The following TRIM2 variants were observed in gnomAD, a reference collection of about 807,000 sequenced individuals.
TRIM2 encodes the protein tripartite motif-containing protein 2.
TRIM2 carries 20 observed loss-of-function variants against 75.2 expected under a neutral mutation model. That is an observed-to-expected ratio of 0.27 (90% CI 0.19 to 0.39). TRIM2 has a LOEUF of 0.39. Among genes scored for constraint, TRIM2 ranks in the 10% least tolerant of loss-of-function variants. The pLI is 1.00. For synonymous variants in TRIM2, 373 were observed against 388.3 expected, an observed-to-expected ratio of 0.96 and a Z score of 0.46; for missense variants, 660 against 990.8, an observed-to-expected ratio of 0.67 and a Z score of 4.48.
At chr4:153,225,086 C>T (rs6852033) in intron 1 of TRIM2, among the ~76,000 whole-genome samples, 8,849 of 152,228 alleles carry the variant, frequency 0.058, 756 homozygotes, top group African/African-American at 0.19. Context: ...GATGATAACT[C>T]AACGGGGTAA....
chr4:153,301,314 A>G (rs1299491800), intron 6 of TRIM2, among the ~76,000 whole-genome samples: 1 of 152,110 alleles, frequency 6.6e-6, no homozygotes, highest in Non-Finnish European at 1.5e-5. Flanking sequence ...ATAGGTATGC[A>G]CACCACACCC....
At chr4:153,273,442 ATTTTTT>A (rs11459214) in intron 2 of TRIM2, among the ~76,000 whole-genome samples, 53 of 77,648 alleles carry the variant, frequency 6.8e-4, no homozygotes, top group African/African-American at 3.4e-3. Flanking sequence ...CGCCCGGCTA[ATTTTTT>A]TTTTTTTTTT....
At chr4:153,211,802 A>G (rs1229921936) in intron 1 of TRIM2, among the ~76,000 whole-genome samples, 1 of 151,960 alleles carries the variant, frequency 6.6e-6, no homozygotes, top group Non-Finnish European at 1.5e-5. Context: ...AAATTCTTAT[A>G]TGACAATTTG....
At chr4:153,159,481 T>C (rs967252360) in intron 1 of TRIM2, among the ~76,000 whole-genome samples, 4 of 151,910 alleles carry the variant, frequency 2.6e-5, no homozygotes, top group African/African-American at 9.7e-5. Flanking sequence ...TTTTAAATTA[T>C]TTTTTGAAGA....
At chr4:153,327,543 A>G (rs934273256) in intron 10 of TRIM2, among the ~76,000 whole-genome samples, 1 of 152,268 alleles carries the variant, frequency 6.6e-6, no homozygotes, top group African/African-American at 2.4e-5. Context: ...GCATCTAGGC[A>G]TCATGACAAT....
chr4:153,318,617 T>C (rs1579679042), intron 8 of TRIM2, among the ~76,000 whole-genome samples: 1 of 152,358 alleles, frequency 6.6e-6, no homozygotes, highest in East Asian at 1.9e-4. Flanking sequence ...ATATCTTGAA[T>C]ATCTTGAAAA....
intron 1 of TRIM2, among the ~76,000 whole-genome samples, chr4:153,205,590 T>A (rs532808281): frequency 1.2e-4 from 18 of 152,168 alleles, no homozygotes; most frequent in Non-Finnish European, 1.6e-4. Flanking sequence ...GTCAGTGAAC[T>A]TGCGGTTTGT....
chr4:153,202,294 A>G (rs1190468638), upstream of TRIM2, among the ~76,000 whole-genome samples: 1 of 152,256 alleles, frequency 6.6e-6, no homozygotes, highest in African/African-American at 2.4e-5. Context: ...AACTATTTCA[A>G]ATGTAATGAC....
intron 1 of TRIM2, among the ~76,000 whole-genome samples, chr4:153,254,180 T>C (rs1751517576): frequency 6.6e-6 from 1 of 152,144 alleles, no homozygotes; most frequent in South Asian, 2.1e-4. Flanking sequence ...TGGGATAAAT[T>C]TTCTTGAGCA....
At chr4:153,322,560 G>A in intron 8 of TRIM2, 88 bp from the exon 9 acceptor site, 6 of 1,442,948 alleles carry the variant, frequency 4.2e-6, no homozygotes, top group Non-Finnish European at 5.6e-6. Context: ...GGTAAATGTT[G>A]ACCAAAACAG....
intron 1 of TRIM2, among the ~76,000 whole-genome samples, chr4:153,222,006 A>AGAAGGAAGGAAAGAGCAAG (rs1560836130): frequency 4.4e-4 from 19 of 42,814 alleles, no homozygotes; most frequent in South Asian, 2.8e-3. Context: ...AAGGAAGGAA[A>AGAAGGAAGGAAAGAGCAAG]GAAGGAAGGA....
chr4:153,216,606 T>A (rs960801087), intron 1 of TRIM2, among the ~76,000 whole-genome samples: 1 of 152,216 alleles, frequency 6.6e-6, no homozygotes, highest in African/African-American at 2.4e-5. Context: ...AATGTCCAAG[T>A]CCATTTGTGC....
At position 153,317,741 on chromosome 4, in the gene TRIM2, T is replaced by C. The variant is rs181507664; in HGVS notation, c.1782+1742T>C. On this transcript the variant is annotated intron_variant, in intron 8 of 11. Coordinates refer to ENST00000338700, the MANE Select transcript of TRIM2 (RefSeq NM_015271.5). ...ACTTTGGGAAGCTGAAGCAGGAGGA[T>C]TGCTTGAGCCCAGGAGTTCAAGACC... Among the ~76,000 whole-genome samples the C allele has an allele frequency of 3.0e-3, 457 of 152,060 alleles. 1 individual carries two copies. Among genetic ancestry groups the C allele is most frequent in the African/African-American group, 0.01 (429 of 41,468 alleles).
At chr4:153,310,555 A>G (rs1766050605) in intron 6 of TRIM2, among the ~76,000 whole-genome samples, 1 of 152,200 alleles carries the variant, frequency 6.6e-6, no homozygotes, top group Admixed American at 6.5e-5. Flanking sequence ...GTTGGCATCA[A>G]TTGTCTTCCC....
intron 1 of TRIM2, among the ~76,000 whole-genome samples, chr4:153,221,959 AGAGGGAGGAAGG>A (rs1740413535): frequency 1.6e-5 from 1 of 62,552 alleles, no homozygotes; most frequent in East Asian, 9.4e-4. Flanking sequence ...AAGGAAGGAA[AGAGGGAGGAAGG>A]GAGGAAGGAA....
At chr4:153,240,405 T>G (rs977152527) in intron 1 of TRIM2, among the ~76,000 whole-genome samples, 3 of 152,198 alleles carry the variant, frequency 2.0e-5, no homozygotes, top group African/African-American at 7.2e-5. Context: ...AGAGGTTTTG[T>G]ATCACAGTTT....
chr4:153,213,520 A>G (rs1737644633), intron 1 of TRIM2, among the ~76,000 whole-genome samples: 1 of 151,972 alleles, frequency 6.6e-6, no homozygotes, highest in African/African-American at 2.4e-5. Flanking sequence ...TCCCACTATT[A>G]TTTTTTACTT....
chr4:153,268,998 C>G (rs1460086309), intron 1 of TRIM2, among the ~76,000 whole-genome samples: 1 of 152,086 alleles, frequency 6.6e-6, no homozygotes, highest in Non-Finnish European at 1.5e-5. Context: ...CACTCTGAAC[C>G]ATATACAAAA....
At chr4:153,200,088 C>T (rs1458511406), upstream of TRIM2, among the ~76,000 whole-genome samples, 1 of 151,918 alleles carries the variant, frequency 6.6e-6, no homozygotes, top group African/African-American at 2.4e-5. Context: ...ATTACAGGCA[C>T]CGCCACCACG....
Sources: allele counts gnomAD v4.1 joint callset (sites outside exome capture counted in the v4.1 genomes callset), GRCh38; gene constraint gnomAD v4.1.1; transcripts MANE v1.5; gene names NCBI Gene and HGNC (gene_info 2026-07-23, HGNC 2026-07-21).